HOOK3: variants seen among roughly 807,000 people sequenced by gnomAD.
HOOK3 encodes protein Hook homolog 3.
HOOK3 carries 24 observed loss-of-function variants against 116.3 expected under a neutral mutation model. The ratio of observed to expected loss-of-function variants is 0.21; its 90% confidence interval spans 0.15 to 0.29. The LOEUF is 0.29. HOOK3 is among the 10% of genes least tolerant of loss of function. HOOK3 has a pLI of 1.00. For missense variants in HOOK3, 632 were observed against 830.2 expected (o/e 0.76, Z 2.93); for synonymous variants, 275 against 283.0 (o/e 0.97, Z 0.28).
chr8:42,995,979 G>C (rs543574180), intron 15 of HOOK3, among the ~76,000 whole-genome samples: 2 of 152,236 alleles, frequency 1.3e-5, no homozygotes, highest in Non-Finnish European at 2.9e-5. Context: ...CATACTACCT[G>C]TGTGGTCTGT....
At chr8:42,931,349 T>C (rs992250923) in intron 4 of HOOK3, among the ~76,000 whole-genome samples, 1 of 152,078 alleles carries the variant, frequency 6.6e-6, no homozygotes, top group South Asian at 2.1e-4. Context: ...TTATTCCCTT[T>C]AATCCTGGCC....
At position 43,023,386 on chromosome 8, in the gene HOOK3, C is replaced by CTT; in HGVS notation, c.*4888_*4889insTT. On this transcript the variant is annotated 3_prime_UTR_variant, in exon 22 of 22. Coordinates refer to ENST00000307602, the MANE Select transcript of HOOK3 (RefSeq NM_032410.4). ...GCCACTTTGCTATCTCTCCTTCCTTCCTCCTTCCTTCCTTCCTTCCTTCCT... is the reference window on the plus strand; with the variant it reads ...GCCACTTTGCTATCTCTCCTTCCTTCTTCTCCTTCCTTCCTTCCTTCCTTCCT... 1 of 118,460 alleles carries CTT rather than the reference C, an allele frequency of 8.4e-6. No homozygotes were observed. Among genetic ancestry groups the CTT allele is most frequent in the Non-Finnish European group, 1.8e-5 (1 of 55,028 alleles). The allele number at this position is 118,460 out of a possible 1,614,324, so 7.3% of individuals were successfully genotyped here.
intron 13 of HOOK3, among the ~76,000 whole-genome samples, chr8:42,978,075 C>G (rs1390461075): frequency 6.6e-6 from 1 of 152,144 alleles, no homozygotes; most frequent in African/African-American, 2.4e-5. Flanking sequence ...AGAATCATAA[C>G]TTATTTCTCC....
chr8:42,998,091 A>G (rs575716928), intron 16 of HOOK3: 32 of 205,908 alleles, frequency 1.6e-4, no homozygotes, highest in Non-Finnish European at 2.3e-4. Context: ...CTGTTCCCCG[A>G]CACTGGCCCT....
chr8:42,979,433 G>T (rs1808891972), intron 13 of HOOK3, among the ~76,000 whole-genome samples: 1 of 152,128 alleles, frequency 6.6e-6, no homozygotes, highest in African/African-American at 2.4e-5. Context: ...TTCGCTCAAG[G>T]TTTACCCCTC....
chr8:42,934,131 A>G (rs1007254118), intron 4 of HOOK3, among the ~76,000 whole-genome samples: 1 of 151,826 alleles, frequency 6.6e-6, no homozygotes, highest in Admixed American at 6.6e-5. Context: ...CTATTTAGCT[A>G]TTGAACCGCC....
chr8:42,897,547 G>T (rs1807038894), intron 1 of HOOK3, among the ~76,000 whole-genome samples: 1 of 152,234 alleles, frequency 6.6e-6, no homozygotes, highest in Admixed American at 6.5e-5. Context: ...CGCGGAGGAC[G>T]GGCCCGGCTC....
chr8:42,903,205 A>G (rs1042387577), intron 1 of HOOK3, among the ~76,000 whole-genome samples: 1 of 152,110 alleles, frequency 6.6e-6, no homozygotes, highest in African/African-American at 2.4e-5. Context: ...TCCCAAATAG[A>G]CACTTAAGTA....
intron 11 of HOOK3, 81 bp downstream of exon 11, chr8:42,968,295 G>T: frequency 1.1e-6 from 1 of 944,970 alleles, no homozygotes; most frequent in Non-Finnish European, 1.6e-6. Flanking sequence ...TTACTAATTT[G>T]TTTTCATGGT....
rs536191699 is a variant in HOOK3 at position 42,906,197 on chromosome 8, C to T, written c.82C>T (p.Pro28Ser). 1 of 1,413,666 alleles carries T rather than the reference C, an allele frequency of 7.1e-7. No homozygotes were observed. Among genetic ancestry groups the T allele is most frequent in the Non-Finnish European group, 9.6e-7 (1 of 1,045,520 alleles). 87.6% of individuals were successfully genotyped at this position (1,413,666 alleles called of 1,614,324 possible). The change falls in exon 2 of 22, where the codon CCA becomes TCA. Residue 28 changes from proline to serine, a missense_variant. Pro to Ser is a moderately conservative substitution (Grantham distance 74). Around this residue, in one of 3 missense-constraint regions of HOOK3, gnomAD observed 141 missense variants for 150.8 expected, o/e 0.93. Transcript: ENST00000307602. ...GATCCAGACATTTAATGTGGATGCA[C>T]CATGCCAGACCGTGGAAGATTTAAC... ...TWIQTFNVDAPCQTVEDLTNG... is the reference protein window; with the variant it reads ...TWIQTFNVDASCQTVEDLTNG...
rs1809421776 is a variant in HOOK3 at position 43,003,804 on chromosome 8, T to A, written c.1655+1663T>A. On this transcript the variant is annotated intron_variant, in intron 17 of 21. Coordinates refer to ENST00000307602, the MANE Select transcript of HOOK3 (RefSeq NM_032410.4). ...TGGTTGTAGACAGATCACTCCAGTC[T>A]CTTTCTCCACCTTCACATGTCATTC... Among the ~76,000 whole-genome samples the A allele has an allele frequency of 2.0e-5, 3 of 152,276 alleles. No homozygotes were observed. The South Asian group carries it at 6.2e-4, about 32-fold the overall frequency.
chr8:42,955,903 G>A (rs118135193), intron 6 of HOOK3, among the ~76,000 whole-genome samples: 2,492 of 151,974 alleles, frequency 0.016, 32 homozygotes, highest in Non-Finnish European at 0.022. Flanking sequence ...TTGTTACATC[G>A]CCCAGGCTAG....
intron 15 of HOOK3, among the ~76,000 whole-genome samples, chr8:42,995,724 A>T (rs752356108): frequency 1.3e-5 from 2 of 152,192 alleles, no homozygotes; most frequent in Non-Finnish European, 2.9e-5. Flanking sequence ...ATGTAAAATC[A>T]GATTCCTATA....
intron 11 of HOOK3, among the ~76,000 whole-genome samples, chr8:42,972,084 T>C (rs1470447263): frequency 6.6e-6 from 1 of 152,222 alleles, no homozygotes; most frequent in Admixed American, 6.5e-5. Context: ...TCTTATTCTG[T>C]TATTTTTTGG....
At position 43,023,433 on chromosome 8, in the gene HOOK3, TTTTTC is replaced by T. The variant is rs534947190; in HGVS notation, c.*4952_*4956del. 48 of 165,900 alleles carry T rather than the reference TTTTTC, an allele frequency of 2.9e-4. No individual in the cohort carries two copies. The East Asian group carries it at 4.0e-3, about 14-fold the overall frequency. The allele number at this position is 165,900 out of a possible 1,614,324, so 10.3% of individuals were successfully genotyped here. ...TCCTTCCTTCCTTCCCTTCTTTTCT[TTTTTC>T]TTTTCTTTTCTTTTCTCCCTCCTTT... On this transcript the variant is annotated 3_prime_UTR_variant, in exon 22 of 22. Transcript: ENST00000307602.
At chr8:42,948,524 A>T (rs920266374) in intron 5 of HOOK3, among the ~76,000 whole-genome samples, 2 of 151,930 alleles carry the variant, frequency 1.3e-5, no homozygotes, top group African/African-American at 4.8e-5. Flanking sequence ...ACACCTACTA[A>T]CCCCTCACCC....
rs1359603272 is a variant in HOOK3, at chr8:43,010,300, T to G, written c.1739-5T>G. The G allele has an allele frequency of 8.2e-7, 1 of 1,222,844 alleles. No homozygotes were observed. The allele number at this position is 1,222,844 out of a possible 1,614,324, so 75.7% of individuals were successfully genotyped here. On this transcript the variant is annotated splice_region_variant and splice_polypyrimidine_tract_variant and intron_variant, in intron 18 of 21. Transcript: ENST00000307602. ...TATATATATTTTACTGTGTCTCATC[T>G]GCAGCCTTAAAAATTGAAGAATTAC... is the stretch of plus-strand genomic sequence containing the variant.
At position 42,905,948 on chromosome 8, in the gene HOOK3, G is replaced by A. The variant is rs191221932; in HGVS notation, c.58-225G>A. Among the ~76,000 whole-genome samples the A allele has an allele frequency of 2.6e-4, 39 of 152,068 alleles. No individual in the cohort carries two copies. The East Asian group carries it at 7.3e-3, about 29-fold the overall frequency. ...TAAAGATACAGAAAATTAGCAGGGC[G>A]TGGTAGTGCGTTCCTGTAATCCCAG... On this transcript the variant is annotated intron_variant, in intron 1 of 21. Transcript: ENST00000307602.
At chr8:42,926,010 G>A (rs1362968883) in intron 3 of HOOK3, among the ~76,000 whole-genome samples, 2 of 152,186 alleles carry the variant, frequency 1.3e-5, no homozygotes, top group Non-Finnish European at 2.9e-5. Flanking sequence ...GCACGTGGTA[G>A]TTATAATGAG....
Sources: allele counts gnomAD v4.1 joint callset (sites outside exome capture counted in the v4.1 genomes callset), GRCh38; gene constraint gnomAD v4.1.1; regional missense constraint gnomAD v4.1.1; transcripts MANE v1.5; gene names NCBI Gene and HGNC (gene_info 2026-07-23, HGNC 2026-07-21).